ZNF469: variants seen among roughly 807,000 people sequenced by gnomAD.
ZNF469 encodes zinc finger protein 469.
Under a neutral mutation model 1.0 loss-of-function variants are expected in ZNF469, and 1 was observed. The observed-to-expected ratio is 1.00, with a 90% CI of 0.35 to 4.73. The LOEUF (loss-of-function observed/expected upper bound fraction) is 4.73. Among genes scored for constraint, ZNF469 ranks in the 30% most tolerant of loss-of-function variants. The pLI is 0.16. For missense variants in ZNF469, 6,100 were observed against 5,356.3 expected (o/e 1.14, Z -4.33); for synonymous variants, 2,703 against 2,363.4 (o/e 1.14, Z -4.17).
At chr16:88,327,608 G>A in the ZNF469 span, among the ~76,000 whole-genome samples, 3 of 152,108 alleles carry the variant, frequency 2.0e-5, no homozygotes, top group East Asian at 1.9e-4. Context: ...GACAGGGCAC[G>A]TGCTCCGTAC....
upstream of ZNF469, among the ~76,000 whole-genome samples, chr16:88,380,724 A>G (rs2092520229): frequency 6.9e-6 from 1 of 144,006 alleles, no homozygotes; most frequent in Non-Finnish European, 1.5e-5. Context: ...ACTCATACAC[A>G]CACAGACATG....
the ZNF469 span, among the ~76,000 whole-genome samples, chr16:88,322,292 G>T: frequency 6.6e-6 from 1 of 152,252 alleles, no homozygotes. Context: ...CTCACCTGAG[G>T]CCCCACGGCC....
At chr16:88,162,552 G>C in the ZNF469 span, among the ~76,000 whole-genome samples, 4 of 152,010 alleles carry the variant, frequency 2.6e-5, no homozygotes, top group Non-Finnish European at 5.9e-5. Flanking sequence ...ATTTATTTTT[G>C]ATAATAGATT....
chr16:88,431,933 C>T lies in ZNF469; in HGVS notation c.4463C>T (p.Pro1488Leu), dbSNP rs565994438. 84 of 1,549,530 alleles carry T rather than the reference C, an allele frequency of 5.4e-5. No homozygotes were observed. The East Asian group carries it at 1.8e-3, about 33-fold the overall frequency. Residue 1488 changes from proline (P) to leucine (L), a missense_variant, in exon 3 of 3, where the codon CCC becomes CTC. Coordinates refer to ENST00000565624, the MANE Select transcript of ZNF469 (RefSeq NM_001367624.2). The part of the protein sequence containing the change: ...SGLPFACADP[P>L]QKTVPSDPPY... ...CTGCCGTTCGCATGTGCCGACCCTC[C>T]CCAGAAGACGGTGCCGTCAGATCCA...
the ZNF469 span, among the ~76,000 whole-genome samples, chr16:88,134,296 C>T: frequency 6.6e-6 from 1 of 152,210 alleles, no homozygotes; most frequent in Non-Finnish European, 1.5e-5. Flanking sequence ...CTTTTCATGG[C>T]TGCACGGTGC....
the ZNF469 span, among the ~76,000 whole-genome samples, chr16:88,342,110 G>A: frequency 6.6e-6 from 1 of 152,250 alleles, no homozygotes; most frequent in East Asian, 1.9e-4. Flanking sequence ...GCCGGTGGGA[G>A]AGGCCGGGCA....
the ZNF469 span, among the ~76,000 whole-genome samples, chr16:88,227,938 G>A: frequency 2.6e-5 from 4 of 152,202 alleles, no homozygotes; most frequent in Admixed American, 2.6e-4. Flanking sequence ...GCCAGGCTCT[G>A]CCTCCATCCT....
At chr16:88,175,614 C>T in the ZNF469 span, among the ~76,000 whole-genome samples, 1 of 152,166 alleles carries the variant, frequency 6.6e-6, no homozygotes, top group Non-Finnish European at 1.5e-5. Context: ...GAAGAAATCA[C>T]TAAGAAAATT....
At chr16:88,302,864 G>A in the ZNF469 span, among the ~76,000 whole-genome samples, 1 of 152,208 alleles carries the variant, frequency 6.6e-6, no homozygotes, top group Non-Finnish European at 1.5e-5. Flanking sequence ...CACCACTACA[G>A]AACCCCTCTG....
At chr16:88,106,531 A>T in the ZNF469 span, among the ~76,000 whole-genome samples, 1 of 152,252 alleles carries the variant, frequency 6.6e-6, no homozygotes, top group Non-Finnish European at 1.5e-5. Context: ...AAATGTGAAC[A>T]GAGAAAGGAG....
the ZNF469 span, among the ~76,000 whole-genome samples, chr16:88,281,604 T>A: frequency 6.8e-6 from 1 of 147,608 alleles, no homozygotes; most frequent in Non-Finnish European, 1.5e-5. Flanking sequence ...TTTTGGTGCG[T>A]GGGTTAATGC....
At chr16:88,335,489 G>A in the ZNF469 span, among the ~76,000 whole-genome samples, 25 of 152,290 alleles carry the variant, frequency 1.6e-4, no homozygotes, top group East Asian at 5.8e-4. Flanking sequence ...ACTCTGGCAC[G>A]GGGTCTCAGG....
chr16:88,251,696 C>CT, the ZNF469 span, among the ~76,000 whole-genome samples: 2 of 151,314 alleles, frequency 1.3e-5, no homozygotes, highest in Admixed American at 1.3e-4. Context: ...GTAGCTGGGA[C>CT]TATCAGTGCA....
At chr16:88,361,370 C>G in the ZNF469 span, among the ~76,000 whole-genome samples, 20 of 152,344 alleles carry the variant, frequency 1.3e-4, no homozygotes, top group South Asian at 4.1e-4. Context: ...GAAGCACACA[C>G]TGTATGATTC....
chr16:88,247,466 G>C, the ZNF469 span, among the ~76,000 whole-genome samples: 3 of 138,636 alleles, frequency 2.2e-5, no homozygotes, highest in South Asian at 2.3e-4. Context: ...GTGAATGAAT[G>C]AATGAGTGAG....
chr16:88,114,365 A>G, the ZNF469 span, among the ~76,000 whole-genome samples: 2 of 135,502 alleles, frequency 1.5e-5, no homozygotes, highest in South Asian at 5.0e-4. Flanking sequence ...GGAGAATGAC[A>G]GGGACCACAC....
the ZNF469 span, among the ~76,000 whole-genome samples, chr16:88,286,246 T>A: frequency 6.6e-6 from 1 of 152,258 alleles, no homozygotes; most frequent in African/African-American, 2.4e-5. Flanking sequence ...CACAGAGTCC[T>A]GAATGGATTC....
chr16:88,349,958 C>T, the ZNF469 span, among the ~76,000 whole-genome samples: 1 of 7,044 alleles, frequency 1.4e-4, no homozygotes, highest in Non-Finnish European at 3.5e-4. Flanking sequence ...CAAATACACA[C>T]CATGAGCGAT....
chr16:88,428,330 C>G lies in ZNF469; in HGVS notation c.860C>G (p.Pro287Arg), dbSNP rs1234075366. ...FPALHGASTKPFPADVAGHAF... is the reference protein window; with the variant it reads ...FPALHGASTKRFPADVAGHAF... ...GCACTGCATGGGGCCAGCACAAAAC[C>G]CTTCCCTGCGGATGTGGCTGGGCAC... The change falls in exon 3 of 3, where the codon CCC (proline) becomes CGC (arginine). Residue 287 changes from proline (P) to arginine (R), a missense_variant. Pro to Arg is a moderately radical substitution (Grantham distance 103). Transcript: ENST00000565624. 6.5e-7 allele frequency: 1 copy of G among 1,550,082 alleles called. No homozygotes were observed. The highest frequency in any genetic ancestry group is 2.4e-5 in the East Asian group (1 of 40,904).
Sources: gnomAD v4.1 joint callset for allele counts (sites outside exome capture counted in the v4.1 genomes callset) on GRCh38, gnomAD v4.1.1 for gene constraint, MANE v1.5 for transcripts, NCBI Gene and HGNC (gene_info 2026-07-23, HGNC 2026-07-21) for gene names.